The following ESYT3 variants were observed in gnomAD, a reference collection of about 807,000 sequenced individuals.
ESYT3 encodes the protein extended synaptotagmin-3.
Under a neutral mutation model 111.5 loss-of-function variants are expected in ESYT3, and 101 were observed. That is an observed-to-expected ratio of 0.91 (90% CI 0.77 to 1.07). ESYT3 has a LOEUF of 1.07. Ranked by LOEUF, ESYT3 falls within the 50% of genes least tolerant of loss-of-function variation. The pLI, the probability that ESYT3 is intolerant of heterozygous loss-of-function variation, is 0.00. For missense variants in ESYT3, 1,097 were observed against 1,109.4 expected, an observed-to-expected ratio of 0.99 and a Z score of 0.16; for synonymous variants, 416 against 446.8, an observed-to-expected ratio of 0.93 and a Z score of 0.87.
intron 20 of ESYT3, among the ~76,000 whole-genome samples, chr3:138,476,022 A>G (rs1480595073): frequency 6.6e-6 from 1 of 152,124 alleles, no homozygotes; most frequent in Non-Finnish European, 1.5e-5. Flanking sequence ...GCCTCTTAAT[A>G]CTTCTGGATT....
rs753383716 is a variant in ESYT3, at chr3:138,462,128, C to G, written c.837C>G (p.His279Gln). 1 of 1,614,112 alleles carries G rather than the reference C, an allele frequency of 6.2e-7. No individual in the cohort carries two copies. Among genetic ancestry groups the G allele is most frequent in the African/African-American group, 1.3e-5 (1 of 74,946 alleles). Reference sequence around the variant, plus strand: ...TACTGGAGGACCTCATTGCCACCCACCTGGTGCTGCCCAACCGTGTGACTG... The same window carrying G: ...TACTGGAGGACCTCATTGCCACCCAGCTGGTGCTGCCCAACCGTGTGACTG... ...DSLLEDLIAT[H>Q]LVLPNRVTVP... Residue 279 changes from histidine to glutamine, a missense_variant, in exon 8 of 23, where the codon CAC (histidine) becomes CAG (glutamine). By Grantham distance (24) the His-to-Gln change is conservative. Transcript: ENST00000389567.
chr3:138,458,705 T>C (rs1052160754), intron 4 of ESYT3, among the ~76,000 whole-genome samples: 1 of 152,206 alleles, frequency 6.6e-6, no homozygotes, highest in Non-Finnish European at 1.5e-5. Flanking sequence ...CCTGACGCCT[T>C]GTTACCTTTG....
At chr3:138,464,206 C>T (rs1224779800) in intron 8 of ESYT3, 139 bp from the exon 9 acceptor site, 1 of 954,486 alleles carries the variant, frequency 1.0e-6, no homozygotes, top group African/African-American at 1.6e-5. Context: ...ACTGCCGTAT[C>T]TGGCTTCTAT....
chr3:138,473,220 T>C (rs975957616), intron 18 of ESYT3: 1 of 949,220 alleles, frequency 1.1e-6, no homozygotes, highest in East Asian at 3.5e-5. Context: ...TGTTACCTGA[T>C]TTAATTCAAC....
At chr3:138,444,989 C>G (rs992950286) in intron 1 of ESYT3, among the ~76,000 whole-genome samples, 3 of 152,190 alleles carry the variant, frequency 2.0e-5, no homozygotes, top group African/African-American at 7.2e-5. Context: ...TCTTCCACAC[C>G]CTCTGCTAAG....
At position 138,465,325 on chromosome 3, in the gene ESYT3, CTTT is replaced by C; in HGVS notation, c.1087-11_1087-9del. On this transcript the variant is annotated splice_polypyrimidine_tract_variant and intron_variant, in intron 9 of 22. Coordinates refer to ENST00000389567, the MANE Select transcript of ESYT3 (RefSeq NM_031913.5). ...CTGTTGCCTGCAGGTCAAGACACCT[CTTT>C]TTCCTTCCAGTTCATGGTGTACGAA... 6.4e-7 allele frequency: 1 copy of C among 1,573,804 alleles called. No individual in the cohort carries two copies. Among genetic ancestry groups the C allele is most frequent in the East Asian group, 2.3e-5 (1 of 43,622 alleles).
intron 1 of ESYT3, among the ~76,000 whole-genome samples, chr3:138,448,577 A>G (rs1203612214): frequency 6.6e-6 from 1 of 152,224 alleles, no homozygotes; most frequent in African/African-American, 2.4e-5. Context: ...CAGAGAGATT[A>G]AAGACCTAAA....
In ESYT3 at chr3:138,474,260, C is replaced by G. The variant is rs377396398; in HGVS notation, c.2376C>G (p.Tyr792Ter). The change falls in exon 20 of 23, where the codon TAC (tyrosine) becomes TAG (stop). Residue 792 changes from tyrosine to a stop codon, truncating the protein, a stop_gained. Transcript: ENST00000389567. LOFTEE classifies it high-confidence loss of function. ...GTACCAGCAGTGGAGCTGATCCCTACGTCCGTGTCTACTTGTTGCCAGAAA... is the reference window on the plus strand; with the variant it reads ...GTACCAGCAGTGGAGCTGATCCCTAGGTCCGTGTCTACTTGTTGCCAGAAA... ...TPCTSSGADPYVRVYLLPERK... is the reference protein window; with the variant it reads ...TPCTSSGADP The G allele has an allele frequency of 1.2e-6, 2 of 1,609,528 alleles. No homozygotes were observed. The highest frequency in any genetic ancestry group is 1.1e-5 in the South Asian group (1 of 90,948).
chr3:138,453,200 C>T (rs538290886), intron 2 of ESYT3, among the ~76,000 whole-genome samples: 3 of 152,348 alleles, frequency 2.0e-5, no homozygotes, highest in East Asian at 1.9e-4. Flanking sequence ...TGTAGAGTTC[C>T]TCCTGCACTG....
chr3:138,471,099 C>A, intron 17 of ESYT3, 73 bp downstream of exon 17: 1 of 1,232,082 alleles, frequency 8.1e-7, no homozygotes, highest in Non-Finnish European at 1.2e-6. Context: ...ACTGCCCCAG[C>A]ACTAAGCACC....
At chr3:138,464,603 C>A in intron 9 of ESYT3, 88 bp downstream of exon 9, 1 of 1,396,196 alleles carries the variant, frequency 7.2e-7, no homozygotes, top group Non-Finnish European at 1.0e-6. Context: ...AGGGAGTGGG[C>A]CTTGGAGACA....
chr3:138,469,067 G>A (rs562041759), intron 14 of ESYT3, among the ~76,000 whole-genome samples, 186 bp downstream of exon 14: 1 of 152,244 alleles, frequency 6.6e-6, no homozygotes, highest in Non-Finnish European at 1.5e-5. Context: ...CCCCACATTT[G>A]TTATCCCTGA....
At chr3:138,472,221 C>A in intron 17 of ESYT3, 142 bp from the exon 18 acceptor site, 1 of 1,053,284 alleles carries the variant, frequency 9.5e-7, no homozygotes, top group Non-Finnish European at 1.4e-6. Flanking sequence ...ATTTGGAACA[C>A]CATATGTATT....
chr3:138,452,135 T>C (rs768632711), intron 2 of ESYT3, 46 bp downstream of exon 2: 1 of 1,589,618 alleles, frequency 6.3e-7, no homozygotes, highest in South Asian at 1.1e-5. Context: ...CATGCCAGCC[T>C]CGTCCTCCCC....
chr3:138,468,234 G>A (rs1161642966), intron 12 of ESYT3, 40 bp downstream of exon 12: 2 of 1,590,050 alleles, frequency 1.3e-6, no homozygotes, highest in South Asian at 2.2e-5. Flanking sequence ...CAGAAAGGTG[G>A]AGGAGCACAC....
chr3:138,458,806 C>T (rs986010458), intron 4 of ESYT3, among the ~76,000 whole-genome samples: 34 of 152,196 alleles, frequency 2.2e-4, no homozygotes, highest in Non-Finnish European at 7.3e-5. Flanking sequence ...AGAGATGGGA[C>T]AGGGGGACAG....
intron 5 of ESYT3, 35 bp downstream of exon 5, chr3:138,459,288 GC>G: frequency 5.3e-6 from 8 of 1,497,884 alleles, no homozygotes; most frequent in South Asian, 2.7e-5. Context: ...CTCTGTTCCA[GC>G]CCCCAGGGTG....
intron 16 of ESYT3, chr3:138,470,650 T>G (rs540191985): frequency 2.3e-6 from 3 of 1,305,532 alleles, no homozygotes; most frequent in Non-Finnish European, 2.9e-6. Context: ...TTTGACAGAC[T>G]AGCTCATACA....
chr3:138,444,025 A>G (rs965270222), intron 1 of ESYT3, among the ~76,000 whole-genome samples: 1 of 152,166 alleles, frequency 6.6e-6, no homozygotes, highest in African/African-American at 2.4e-5. Context: ...GGGCTTAAGA[A>G]ATAATGCACA....
Sources: allele counts gnomAD v4.1 joint callset (sites outside exome capture counted in the v4.1 genomes callset), GRCh38; gene constraint gnomAD v4.1.1; transcripts MANE v1.5; gene names NCBI Gene and HGNC (gene_info 2026-07-23, HGNC 2026-07-21).